DLGAP2: variants seen among roughly 807,000 people sequenced by gnomAD.
DLGAP2 encodes DLG associated protein 2, also known as disks large-associated protein 2.
DLGAP2 carries 26 observed loss-of-function variants against 100.3 expected under a neutral mutation model. The observed-to-expected ratio is 0.26, with a 90% confidence interval of 0.19 to 0.36. The LOEUF (loss-of-function observed/expected upper bound fraction) is 0.36, where lower values mean the gene tolerates loss of function less well. DLGAP2 is among the 10% of genes least tolerant of loss of function. The pLI is 1.00. For missense variants in DLGAP2, 1,858 were observed against 1,453.2 expected (o/e 1.28, Z -4.53); for synonymous variants, 886 against 630.1 (o/e 1.41, Z -6.08).
At chr8:1,212,494 G>T (rs1798125238) in intron 2 of DLGAP2, among the ~76,000 whole-genome samples, 1 of 152,158 alleles carries the variant, frequency 6.6e-6, no homozygotes, top group Admixed American at 6.5e-5. Flanking sequence ...GAGCCATGGA[G>T]CACTGTCCAT....
chr8:1,325,230 G>A (rs894237477), intron 3 of DLGAP2, among the ~76,000 whole-genome samples: 1 of 152,228 alleles, frequency 6.6e-6, no homozygotes, highest in African/African-American at 2.4e-5. Context: ...GTCGCAATGA[G>A]ACAGTCATTC....
At chr8:1,595,930 G>C (rs1456304621) in intron 6 of DLGAP2, among the ~76,000 whole-genome samples, 1 of 151,620 alleles carries the variant, frequency 6.6e-6, no homozygotes, top group African/African-American at 2.4e-5. Flanking sequence ...GGGCAGGTTT[G>C]TTACATATGT....
chr8:818,158 T>C (rs1390511203), intron 1 of DLGAP2, among the ~76,000 whole-genome samples: 1 of 152,002 alleles, frequency 6.6e-6, no homozygotes, highest in Non-Finnish European at 1.5e-5. Flanking sequence ...AGACTCTCCT[T>C]GGGTGGGGCT....
At chr8:1,083,102 T>C (rs1803864224) in intron 2 of DLGAP2, among the ~76,000 whole-genome samples, 1 of 152,216 alleles carries the variant, frequency 6.6e-6, no homozygotes, top group Non-Finnish European at 1.5e-5. Context: ...GTTACACAGT[T>C]ATCTGTGTGT....
intron 2 of DLGAP2, chr8:1,018,826 G>T (rs537532145): frequency 6.6e-6 from 1 of 152,272 alleles, no homozygotes; most frequent in South Asian, 2.1e-4. Flanking sequence ...TTAAAAAACT[G>T]TTTGGCACCT....
chr8:759,364 C>T (rs972630805), intron 1 of DLGAP2, among the ~76,000 whole-genome samples: 2 of 151,918 alleles, frequency 1.3e-5, no homozygotes, highest in Admixed American at 6.6e-5. Flanking sequence ...CACACTGATG[C>T]GTCATTGCCG....
intron 3 of DLGAP2, among the ~76,000 whole-genome samples, chr8:1,279,658 G>C (rs1327543324): frequency 1.3e-5 from 2 of 152,364 alleles, no homozygotes; most frequent in African/African-American, 4.8e-5. Context: ...GAAGGTGTCA[G>C]CTTGTGAGGC....
intron 2 of DLGAP2, among the ~76,000 whole-genome samples, chr8:998,763 G>A (rs969704123): frequency 6.6e-6 from 1 of 152,130 alleles, no homozygotes; most frequent in South Asian, 2.1e-4. Context: ...TAAATGTTTG[G>A]CTCATACCCT....
intron 1 of DLGAP2, among the ~76,000 whole-genome samples, chr8:864,559 G>C (rs1196076646): frequency 1.3e-5 from 2 of 152,194 alleles, no homozygotes; most frequent in African/African-American, 4.8e-5. Flanking sequence ...GGTTTTGGGA[G>C]AGACTTGGAT....
At chr8:1,103,894 G>A (rs1250751431) in intron 2 of DLGAP2, among the ~76,000 whole-genome samples, 1 of 152,240 alleles carries the variant, frequency 6.6e-6, no homozygotes, top group Admixed American at 6.5e-5. Context: ...ACCCATGTTG[G>A]GGCTGCATCT....
At chr8:1,537,458 C>A (rs73672802) in intron 4 of DLGAP2, among the ~76,000 whole-genome samples, 1 of 152,126 alleles carries the variant, frequency 6.6e-6, no homozygotes, top group Non-Finnish European at 1.5e-5. Flanking sequence ...TTCTCCCATG[C>A]CTGCCACCAC....
chr8:1,028,093 G>A (rs1218833551), intron 2 of DLGAP2, among the ~76,000 whole-genome samples: 8 of 133,606 alleles, frequency 6.0e-5, no homozygotes, highest in South Asian at 2.6e-4. Context: ...TATTCTCCAG[G>A]TGGGGTGCCA....
intron 2 of DLGAP2, among the ~76,000 whole-genome samples, chr8:1,174,327 T>G (rs1356743356): frequency 2.0e-5 from 3 of 151,620 alleles, no homozygotes; most frequent in Admixed American, 6.6e-5. Context: ...AAAATCATTA[T>G]CATCATTACC....
intron 6 of DLGAP2, among the ~76,000 whole-genome samples, chr8:1,595,188 C>T (rs939573183): frequency 6.6e-6 from 1 of 152,114 alleles, no homozygotes; most frequent in African/African-American, 2.4e-5. Flanking sequence ...TTACAGGCAC[C>T]TGCCATCACA....
chr8:965,881 G>A (rs528782377), intron 2 of DLGAP2, among the ~76,000 whole-genome samples: 83 of 151,814 alleles, frequency 5.5e-4, no homozygotes, highest in South Asian at 2.1e-3. Flanking sequence ...TGCACACAGC[G>A]CTGTTCACCA....
chr8:908,078 G>T (rs1309604787), intron 2 of DLGAP2, 112 bp downstream of exon 2: 2 of 394,596 alleles, frequency 5.1e-6, no homozygotes, highest in Non-Finnish European at 4.5e-6. Flanking sequence ...TTTGTGGGTT[G>T]TTTTTAGTGC....
chr8:761,265 G>A (rs1415387383), intron 1 of DLGAP2, among the ~76,000 whole-genome samples: 2 of 152,122 alleles, frequency 1.3e-5, no homozygotes, highest in African/African-American at 4.8e-5. Context: ...TTCCACCCAC[G>A]CCTTCCATCT....
At chr8:1,139,477 G>A (rs1796483325) in intron 2 of DLGAP2, among the ~76,000 whole-genome samples, 1 of 152,174 alleles carries the variant, frequency 6.6e-6, no homozygotes, top group Non-Finnish European at 1.5e-5. Flanking sequence ...GTCCTCACGT[G>A]GAGCAAGGGG....
intron 2 of DLGAP2, among the ~76,000 whole-genome samples, chr8:1,108,024 G>A (rs759209512): frequency 1.3e-5 from 2 of 152,196 alleles, no homozygotes; most frequent in Non-Finnish European, 2.9e-5. Flanking sequence ...TTCCAGAGGG[G>A]CAGAAAACCA....
Sources: allele counts gnomAD v4.1 joint callset (sites outside exome capture counted in the v4.1 genomes callset), GRCh38; gene constraint gnomAD v4.1.1; transcripts MANE v1.5; gene names NCBI Gene and HGNC (gene_info 2026-07-23, HGNC 2026-07-21).